Variants in ABCA3 observed in about 807,000 individuals in gnomAD.
The protein encoded by ABCA3 is ATP binding cassette subfamily A member 3.
ABCA3 carries 88 observed loss-of-function variants against 172.8 expected under a neutral mutation model. That is an observed-to-expected ratio of 0.51 (90% CI 0.43 to 0.61). The LOEUF (loss-of-function observed/expected upper bound fraction) is 0.61. Among genes scored for constraint, ABCA3 ranks in the 20% least tolerant of loss-of-function variants. ABCA3 has a pLI of 0.00. For synonymous variants in ABCA3, 1,066 were observed against 983.8 expected (o/e 1.08, Z -1.56); for missense variants, 2,164 against 2,301.0 (o/e 0.94, Z 1.22).
In ABCA3 at chr16:2,278,635, C is replaced by G. The variant is rs540216320; in HGVS notation, c.4548-177G>C. On this transcript the variant is annotated intron_variant, in intron 29 of 32. Coordinates refer to ENST00000301732, the MANE Select transcript of ABCA3 (RefSeq NM_001089.3). The surrounding 1 kb of genome is among the most constrained non-coding windows in gnomAD (Gnocchi z 4.4). ...AAAGCCCACCGCATAGGGCTGGAGG[C>G]CCCAGAGAAGGCTGTTCCCAGGGGC... Among the ~76,000 whole-genome samples the G allele has an allele frequency of 6.6e-6, 1 of 152,196 alleles. No individual in the cohort carries two copies. The highest frequency in any genetic ancestry group is 2.4e-5 in the African/African-American group (1 of 41,440).
chr16:2,332,371 T>C lies in ABCA3; in HGVS notation c.-538-2517A>G, dbSNP rs939960865. 3.4e-6 allele frequency: 3 copies of C among 871,374 alleles called. No homozygotes were observed. The African/African-American group carries it at 5.1e-5, about 15-fold the overall frequency. 54.0% of individuals were successfully genotyped at this position (871,374 alleles called of 1,614,324 possible). A position where few individuals can be genotyped will look rare whatever the true frequency, so the allele number is the denominator to read the frequency against. On this transcript the variant is annotated intron_variant, in intron 1 of 32. Coordinates refer to ENST00000301732, the MANE Select transcript of ABCA3 (RefSeq NM_001089.3). Reference sequence around the variant, plus strand: ...ACCAGGGCTTCTAAACTTTTTGGACTCGCAGGGACGGGGATCAGCTACCAG... The same window carrying C: ...ACCAGGGCTTCTAAACTTTTTGGACCCGCAGGGACGGGGATCAGCTACCAG...
At position 2,283,074 on chromosome 16, in the gene ABCA3, G is replaced by T; in HGVS notation, c.4035+112C>A. 1 of 1,240,246 alleles carries T rather than the reference G, an allele frequency of 8.1e-7. No homozygotes were observed. Among genetic ancestry groups the T allele is most frequent in the Non-Finnish European group, 1.1e-6 (1 of 873,210 alleles). 76.8% of individuals were successfully genotyped at this position (1,240,246 alleles called of 1,614,324 possible). A position where few individuals can be genotyped will look rare whatever the true frequency, so the allele number is the denominator to read the frequency against. Reference sequence around the variant, plus strand: ...AGGCCGTACAGTGGGAGACCATCTGGTGCAGGAGCTGCCTGGTGGAGAAGG... The same window carrying T: ...AGGCCGTACAGTGGGAGACCATCTGTTGCAGGAGCTGCCTGGTGGAGAAGG... On this transcript the variant is annotated intron_variant, in intron 26 of 32. Transcript: ENST00000301732. This position sits in a 1 kb window ranked among gnomAD's most constrained non-coding sequence, Gnocchi z 5.4.
rs542070556 is a variant in ABCA3, at chr16:2,283,512, C to T, written c.3863-154G>A. The T allele has an allele frequency of 1.2e-6, 1 of 824,342 alleles. No individual in the cohort carries two copies. Among genetic ancestry groups the T allele is most frequent in the East Asian group, 2.7e-5 (1 of 37,164 alleles). 51.1% of individuals were successfully genotyped at this position (824,342 alleles called of 1,614,324 possible). On this transcript the variant is annotated intron_variant, in intron 25 of 32. Coordinates refer to ENST00000301732, the MANE Select transcript of ABCA3 (RefSeq NM_001089.3). This position sits in a 1 kb window ranked among gnomAD's most constrained non-coding sequence, Gnocchi z 5.4. Reference sequence around the variant, plus strand: ...GTGAAGGCCAGTAGGTCACAGCTGCCTCTCGAGGCACCACAGCTCAGAGAG... The same window carrying T: ...GTGAAGGCCAGTAGGTCACAGCTGCTTCTCGAGGCACCACAGCTCAGAGAG...
rs1429215894 is a variant in ABCA3 at position 2,297,107 on chromosome 16, G to A, written c.2263+222C>T. 6.6e-6 allele frequency among the ~76,000 whole-genome samples: 1 copy of A among 152,140 alleles called. No homozygotes were observed. The highest frequency in any genetic ancestry group is 1.5e-5 in the Non-Finnish European group (1 of 68,024). On this transcript the variant is annotated intron_variant, in intron 17 of 32. Transcript: ENST00000301732. The surrounding 1 kb of genome is among the most constrained non-coding windows in gnomAD (Gnocchi z 5.6). ...GGCCTCTGTTCTTCTGGTCATGGCTGAACCACATCCTAACCAAATTGAGAC... is the reference window on the plus strand; with the variant it reads ...GGCCTCTGTTCTTCTGGTCATGGCTAAACCACATCCTAACCAAATTGAGAC...
intron 8 of ABCA3, among the ~76,000 whole-genome samples, chr16:2,318,140 AACC>A (rs1175615012): frequency 2.6e-5 from 4 of 152,328 alleles, no homozygotes; most frequent in African/African-American, 9.6e-5. Context: ...GCCAGTTCCC[AACC>A]ACGTCAACAC....
At chr16:2,338,488 A>C (rs1043595533) in intron 1 of ABCA3, among the ~76,000 whole-genome samples, 10 of 152,178 alleles carry the variant, frequency 6.6e-5, no homozygotes, top group Non-Finnish European at 1.5e-4. Flanking sequence ...AGAAACTGAC[A>C]TCTGAGGCCC....
At chr16:2,331,808 G>A (rs1166840432) in intron 1 of ABCA3, among the ~76,000 whole-genome samples, 1 of 152,162 alleles carries the variant, frequency 6.6e-6, no homozygotes, top group African/African-American at 2.4e-5. Flanking sequence ...TAAACACTCA[G>A]GACTCCAGCC....
Position 2,296,117 on chromosome 16 carries a change from A to ACTC in ABCA3, c.2264-378_2264-377insGAG, listed in dbSNP as rs572228145. 3.6e-4 allele frequency among the ~76,000 whole-genome samples: 55 copies of ACTC among 152,260 alleles called. 1 individual carries two copies. In the East Asian group the frequency reaches 5.4e-3, roughly 15 times the overall value. On this transcript the variant is annotated intron_variant, in intron 17 of 32. Coordinates refer to ENST00000301732, the MANE Select transcript of ABCA3 (RefSeq NM_001089.3). Reference sequence around the variant, plus strand: ...GGTTATGGTGTGGTTCTAGGAAGGGACTGTCAGCAGGAGCAGGAGCAAGAG... The same window carrying ACTC: ...GGTTATGGTGTGGTTCTAGGAAGGGACTCCTGTCAGCAGGAGCAGGAGCAAGAG...
intron 8 of ABCA3, 151 bp from the exon 9 acceptor site, chr16:2,317,915 C>T: frequency 2.9e-6 from 2 of 701,662 alleles, no homozygotes; most frequent in Non-Finnish European, 4.9e-6. Flanking sequence ...TCATCTTGCT[C>T]AAACTCCTGG....
chr16:2,305,970 T>C (rs985748191), intron 11 of ABCA3, among the ~76,000 whole-genome samples: 3 of 152,194 alleles, frequency 2.0e-5, no homozygotes, highest in African/African-American at 7.2e-5. Flanking sequence ...AAACACCCTC[T>C]GTTTGGCCGA....
rs752482416 is a variant in ABCA3 at position 2,277,720 on chromosome 16, G to C, written c.4910-50C>G. 6.2e-7 allele frequency: 1 copy of C among 1,609,598 alleles called. No homozygotes were observed. Among genetic ancestry groups the C allele is most frequent in the South Asian group, 1.1e-5 (1 of 90,702 alleles). On this transcript the variant is annotated intron_variant, in intron 31 of 32. Coordinates refer to ENST00000301732, the MANE Select transcript of ABCA3 (RefSeq NM_001089.3). The surrounding 1 kb of genome is among the most constrained non-coding windows in gnomAD (Gnocchi z 5.3). ...CTGTGAGCGCCGGGCTGGAGGATCG[G>C]GGAGGGTGCCTGGGTGCTCAGCACT...
chr16:2,328,133 C>T (rs1257797223), intron 3 of ABCA3, among the ~76,000 whole-genome samples: 1 of 151,914 alleles, frequency 6.6e-6, no homozygotes, highest in African/African-American at 2.4e-5. Context: ...GGAAAAAAAT[C>T]TGCCAAAAGA....
intron 1 of ABCA3, chr16:2,332,508 A>G: frequency 1.1e-6 from 1 of 946,396 alleles, no homozygotes; most frequent in Non-Finnish European, 1.7e-6. Flanking sequence ...GACGGGTAGC[A>G]TAAATCTGGG....
At chr16:2,316,045 G>A (rs745736387) in intron 10 of ABCA3, among the ~76,000 whole-genome samples, 14 of 149,288 alleles carry the variant, frequency 9.4e-5, no homozygotes, top group Admixed American at 3.3e-4. Context: ...GGTCAGGCAT[G>A]GTGGCTCACA....
chr16:2,321,252 C>T (rs1349357390), intron 7 of ABCA3, among the ~76,000 whole-genome samples: 1 of 152,196 alleles, frequency 6.6e-6, no homozygotes, highest in Non-Finnish European at 1.5e-5. Flanking sequence ...TCCTGAGCTC[C>T]AGGCTGGGTG....
At chr16:2,321,887 C>T (rs1487567617) in intron 7 of ABCA3, among the ~76,000 whole-genome samples, 3 of 152,112 alleles carry the variant, frequency 2.0e-5, no homozygotes, top group Non-Finnish European at 4.4e-5. Context: ...GCCCCATGAA[C>T]TCAAACGGGA....
In ABCA3 at chr16:2,278,118, G is replaced by C; in HGVS notation, c.4719-49C>G. ...ATAGGGCTTGGGGTGCCAAAGGCTT[G>C]TGCAGACAGGAAGGCATTGGCTCTC... On this transcript the variant is annotated intron_variant, in intron 30 of 32. Coordinates refer to ENST00000301732, the MANE Select transcript of ABCA3 (RefSeq NM_001089.3). The surrounding 1 kb of genome is among the most constrained non-coding windows in gnomAD (Gnocchi z 4.4). 6.2e-7 allele frequency: 1 copy of C among 1,610,496 alleles called. No homozygotes were observed. Among genetic ancestry groups the C allele is most frequent in the Non-Finnish European group, 8.5e-7 (1 of 1,178,856 alleles).
In ABCA3 at chr16:2,327,367, G is replaced by A. The variant is rs549719951; in HGVS notation, c.-26-875C>T. Among the ~76,000 whole-genome samples the A allele has an allele frequency of 4.3e-4, 66 of 152,304 alleles. 1 individual carries two copies. Among genetic ancestry groups the A allele is most frequent in the African/African-American group, 1.4e-3 (60 of 41,556 alleles). On this transcript the variant is annotated intron_variant, in intron 3 of 32. Transcript: ENST00000301732. ...GATAAATGCTATTAGGATGTTCTTGGTGGTTAATATGGATTTGCTATTTAT... is the reference window on the plus strand; with the variant it reads ...GATAAATGCTATTAGGATGTTCTTGATGGTTAATATGGATTTGCTATTTAT...
At position 2,297,694 on chromosome 16, in the gene ABCA3, CGGGCCATGGCGGAA is replaced by C; in HGVS notation, c.2052+58_2052+71del. 1.3e-6 allele frequency: 2 copies of C among 1,598,688 alleles called. No homozygotes were observed. The highest frequency in any genetic ancestry group is 1.7e-6 in the Non-Finnish European group (2 of 1,177,902). On this transcript the variant is annotated intron_variant, in intron 16 of 32. Transcript: ENST00000301732. This position sits in a 1 kb window ranked among gnomAD's most constrained non-coding sequence, Gnocchi z 5.6. ...CTGGGGTGTCAAGGGCCAAGGTGCC[CGGGCCATGGCGGAA>C]GGGCCATCCCAGGTCGAGCAGGAGG...
Sources: allele counts gnomAD v4.1 joint callset (sites outside exome capture counted in the v4.1 genomes callset), GRCh38; gene constraint gnomAD v4.1.1; non-coding constraint Gnocchi (gnomAD v3.1); transcripts MANE v1.5; gene names NCBI Gene and HGNC (gene_info 2026-07-23, HGNC 2026-07-21).